Variants in MAML2 observed in about 807,000 individuals in gnomAD.
MAML2 encodes the protein mastermind like transcriptional coactivator 2, also known as mastermind-like protein 2.
Under a neutral mutation model 96.1 loss-of-function variants are expected in MAML2, and 22 were observed. The observed-to-expected ratio is 0.23, with a 90% confidence interval of 0.16 to 0.33. The LOEUF (loss-of-function observed/expected upper bound fraction) is 0.33, where lower values mean the gene tolerates loss of function less well. Ranked by LOEUF, MAML2 falls within the 10% of genes least tolerant of loss-of-function variation. The probability of loss-of-function intolerance (pLI) is 1.00; values close to 1 mark genes in which losing one functional copy is unlikely to be tolerated. For missense variants in MAML2, 1,367 were observed against 1,392.4 expected, an observed-to-expected ratio of 0.98 and a Z score of 0.29; for synonymous variants, 561 against 521.3, an observed-to-expected ratio of 1.08 and a Z score of -1.04.
At chr11:96,103,693 C>G (rs11021431) in intron 1 of MAML2, among the ~76,000 whole-genome samples, 34,371 of 152,064 alleles carry the variant, frequency 0.23, 4,122 homozygotes, top group Middle Eastern at 0.34. Context: ...TCTCTCAGGT[C>G]ACATTCTTCA....
intron 1 of MAML2, among the ~76,000 whole-genome samples, chr11:96,248,788 C>A (rs1327889693): frequency 1.3e-5 from 2 of 152,186 alleles, no homozygotes; most frequent in Non-Finnish European, 2.9e-5. Context: ...GTCTCCAATT[C>A]TCATTTCATT....
chr11:96,106,875 C>T (rs558232025), intron 1 of MAML2, among the ~76,000 whole-genome samples: 1 of 151,870 alleles, frequency 6.6e-6, no homozygotes, highest in South Asian at 2.1e-4. Context: ...ATCTTGTATC[C>T]ACTCGTTAGA....
chr11:96,116,806 T>C (rs1046119218), intron 1 of MAML2, among the ~76,000 whole-genome samples: 2 of 152,182 alleles, frequency 1.3e-5, no homozygotes, highest in African/African-American at 4.8e-5. Context: ...CACTCAATAA[T>C]GGATATATTG....
intron 1 of MAML2, among the ~76,000 whole-genome samples, chr11:96,142,673 C>T (rs1011388169): frequency 8.5e-5 from 13 of 152,134 alleles, no homozygotes; most frequent in African/African-American, 2.9e-4. Flanking sequence ...CGAAATTATC[C>T]TTCCTTCCCA....
At chr11:96,314,753 C>A (rs1033864538) in intron 1 of MAML2, among the ~76,000 whole-genome samples, 1 of 152,104 alleles carries the variant, frequency 6.6e-6, no homozygotes, top group African/African-American at 2.4e-5. Context: ...CATTTTGTAC[C>A]CAATATAAAT....
intron 1 of MAML2, among the ~76,000 whole-genome samples, chr11:96,322,632 C>T (rs1863721889): frequency 6.6e-6 from 1 of 152,134 alleles, no homozygotes; most frequent in Non-Finnish European, 1.5e-5. Flanking sequence ...GCGGAGCTTG[C>T]AGTGAGCCGA....
At chr11:96,108,684 G>A (rs77247574) in intron 1 of MAML2, among the ~76,000 whole-genome samples, 13,860 of 152,124 alleles carry the variant, frequency 0.091, 865 homozygotes, top group Non-Finnish European at 0.14. Context: ...TTACAACAAC[G>A]TTGAGAGATG....
chr11:96,127,216 T>C (rs1193101180), intron 1 of MAML2, among the ~76,000 whole-genome samples: 1 of 152,028 alleles, frequency 6.6e-6, no homozygotes, highest in Non-Finnish European at 1.5e-5. Context: ...TGCTAACAGG[T>C]TGGCCAATAT....
intron 1 of MAML2, among the ~76,000 whole-genome samples, chr11:96,283,110 C>T (rs1479842407): frequency 6.6e-6 from 1 of 152,172 alleles, no homozygotes; most frequent in Non-Finnish European, 1.5e-5. Flanking sequence ...CAAACTTTAA[C>T]TTTTGATCAC....
intron 2 of MAML2, among the ~76,000 whole-genome samples, chr11:96,044,759 C>T (rs975282890): frequency 6.6e-6 from 1 of 152,170 alleles, no homozygotes; most frequent in African/African-American, 2.4e-5. Context: ...CAATTTTGTT[C>T]AGAGATGAAT....
intron 1 of MAML2, among the ~76,000 whole-genome samples, chr11:96,151,571 T>C (rs2135878274): frequency 1.3e-5 from 2 of 152,308 alleles, no homozygotes; most frequent in South Asian, 4.1e-4. Context: ...TGCTCCTTCA[T>C]GAATGGTTTA....
chr11:96,292,896 G>A (rs994782127), intron 1 of MAML2, among the ~76,000 whole-genome samples: 43 of 151,188 alleles, frequency 2.8e-4, no homozygotes, highest in African/African-American at 9.7e-4. Context: ...GGCAGCCCTA[G>A]ACCACAAAAG....
intron 2 of MAML2, among the ~76,000 whole-genome samples, chr11:96,070,285 G>A (rs902823547): frequency 1.4e-4 from 21 of 151,978 alleles, no homozygotes; most frequent in African/African-American, 2.4e-4. Flanking sequence ...GCGAGACTCC[G>A]TTTCAATAAA....
intron 1 of MAML2, among the ~76,000 whole-genome samples, chr11:96,279,274 C>T (rs1454552082): frequency 6.6e-6 from 1 of 152,136 alleles, no homozygotes; most frequent in Non-Finnish European, 1.5e-5. Flanking sequence ...ACGGAGACTG[C>T]ACAGAGTGAG....
At chr11:96,337,275 A>G (rs1184118605) in intron 1 of MAML2, among the ~76,000 whole-genome samples, 1 of 152,208 alleles carries the variant, frequency 6.6e-6, no homozygotes, top group Non-Finnish European at 1.5e-5. Context: ...GTAGACAGCC[A>G]TAGATACCCA....
chr11:96,084,129 A>G (rs1859570484), intron 2 of MAML2, among the ~76,000 whole-genome samples: 1 of 152,124 alleles, frequency 6.6e-6, no homozygotes, highest in Admixed American at 6.5e-5. Context: ...TGTAGAGTGT[A>G]TATGAGTTTG....
intron 2 of MAML2, among the ~76,000 whole-genome samples, chr11:96,023,397 G>A (rs1370973928): frequency 6.6e-6 from 1 of 152,164 alleles, no homozygotes; most frequent in Admixed American, 6.5e-5. Context: ...CACTTGCCGA[G>A]CCCAGCCTTA....
intron 2 of MAML2, among the ~76,000 whole-genome samples, chr11:96,034,432 T>TGTGTGTGA (rs549312275): frequency 9.6e-5 from 13 of 135,654 alleles, no homozygotes; most frequent in African/African-American, 1.4e-4. Flanking sequence ...TGTGTGTGTG[T>TGTGTGTGA]GAGAGAGAGA....
intron 1 of MAML2, among the ~76,000 whole-genome samples, chr11:96,096,588 C>G (rs1448210753): frequency 6.6e-6 from 1 of 152,180 alleles, no homozygotes; most frequent in African/African-American, 2.4e-5. Flanking sequence ...GTAAGTGACA[C>G]CCTAGGCCCT....
Sources: gnomAD v4.1 joint callset for allele counts (sites outside exome capture counted in the v4.1 genomes callset) on GRCh38, gnomAD v4.1.1 for gene constraint, MANE v1.5 for transcripts, NCBI Gene and HGNC (gene_info 2026-07-23, HGNC 2026-07-21) for gene names.